The following AHNAK variants were observed in gnomAD, a reference collection of about 807,000 sequenced individuals.
AHNAK encodes the protein neuroblast differentiation-associated protein AHNAK.
A neutral mutation model predicts 37.8 loss-of-function variants in AHNAK; 23 were observed. That is an observed-to-expected ratio of 0.61 (90% CI 0.44 to 0.86). The LOEUF is 0.86. Among genes scored for constraint, AHNAK ranks in the 40% least tolerant of loss-of-function variants. The pLI is 0.00. For synonymous variants in AHNAK, 2,481 were observed against 2,636.3 expected, an observed-to-expected ratio of 0.94 and a Z score of 1.80; for missense variants, 7,411 against 7,319.4, an observed-to-expected ratio of 1.01 and a Z score of -0.46.
chr11:62,493,357 C>T (rs1463003609), intron 4 of AHNAK, among the ~76,000 whole-genome samples: 6 of 139,180 alleles, frequency 4.3e-5, no homozygotes, highest in Non-Finnish European at 7.7e-5. Flanking sequence ...TTTTGACAGA[C>T]TCTCGCTCTG....
At position 62,516,747 on chromosome 11, in the gene AHNAK, CTCTT is replaced by C. The variant is rs1283452479; in HGVS notation, c.17666_17669del (p.Lys5889SerfsTer14). 4 of 1,608,672 alleles carry C rather than the reference CTCTT, an allele frequency of 2.5e-6. No homozygotes were observed. In the Admixed American group the frequency reaches 5.1e-5, roughly 20 times the overall value. ...TGTACACACATACAAAGGCCTGCTA[CTCTT>C]TCTTTGTGGAAACTGACAGCTCCAC... On this transcript the variant is annotated frameshift_variant, in exon 5 of 5. Coordinates refer to ENST00000378024, the MANE Select transcript of AHNAK (RefSeq NM_001620.3). LOFTEE classifies it high-confidence loss of function.
Position 62,519,214 on chromosome 11 carries a change from T to C in AHNAK, c.15203A>G (p.Asp5068Gly). Reference sequence around the variant, plus strand: ...TTTCACGTCGACTTTGAGTGCAGCATCCGGCCCTGCGATGTTGACATCTAC... The same window carrying C: ...TTTCACGTCGACTTTGAGTGCAGCACCCGGCCCTGCGATGTTGACATCTAC... ...PDVDVNIAGP[D>G]AALKVDVKSP... The change falls in exon 5 of 5, where the codon GAT becomes GGT. Residue 5068 changes from aspartate to glycine, a missense_variant. Asp to Gly is a moderately conservative substitution (Grantham distance 94). Transcript: ENST00000378024. 1 of 1,613,640 alleles carries C rather than the reference T, an allele frequency of 6.2e-7. No homozygotes were observed. The highest frequency in any genetic ancestry group is 1.1e-5 in the South Asian group (1 of 90,934).
intron 4 of AHNAK, among the ~76,000 whole-genome samples, chr11:62,509,245 A>C (rs1288603862): frequency 8.0e-6 from 1 of 125,478 alleles, no homozygotes; most frequent in African/African-American, 4.6e-5. Context: ...ATGCATGACA[A>C]AAAAAAAACT....
intron 4 of AHNAK, among the ~76,000 whole-genome samples, chr11:62,494,750 C>T (rs559057441): frequency 6.6e-6 from 1 of 151,998 alleles, no homozygotes; most frequent in Non-Finnish European, 1.5e-5. Context: ...GTGGCTCACG[C>T]CTATAATCCC....
intron 4 of AHNAK, among the ~76,000 whole-genome samples, chr11:62,495,191 G>A (rs1939585017): frequency 2.0e-5 from 3 of 151,856 alleles, no homozygotes; most frequent in Non-Finnish European, 4.4e-5. Context: ...AAAAAAGAAA[G>A]TGGCAGAGCT....
intron 4 of AHNAK, among the ~76,000 whole-genome samples, chr11:62,508,124 A>G (rs1939840962): frequency 6.6e-6 from 1 of 152,102 alleles, no homozygotes; most frequent in South Asian, 2.1e-4. Flanking sequence ...AACTTTAATA[A>G]CTACTTTCGA....
At chr11:62,477,364 G>A (rs1464120030) in intron 5 of AHNAK, among the ~76,000 whole-genome samples, 3 of 152,174 alleles carry the variant, frequency 2.0e-5, no homozygotes, top group Non-Finnish European at 4.4e-5. Context: ...CTTGAGGGTG[G>A]AGGGTGGGAG....
intron 5 of AHNAK, among the ~76,000 whole-genome samples, chr11:62,450,025 G>A (rs944831770): frequency 5.9e-5 from 9 of 152,130 alleles, no homozygotes; most frequent in Non-Finnish European, 1.3e-4. Flanking sequence ...TAGGTGGATC[G>A]CTTGGGCCCA....
In AHNAK at chr11:62,518,185, A is replaced by G; in HGVS notation, c.16232T>C (p.Phe5411Ser). 6.2e-7 allele frequency: 1 copy of G among 1,614,064 alleles called. No homozygotes were observed. Among genetic ancestry groups the G allele is most frequent in the East Asian group, 2.2e-5 (1 of 44,866 alleles). The change falls in exon 5 of 5, where the codon TTT (phenylalanine) becomes TCT (serine). Residue 5411 changes from phenylalanine to serine, a missense_variant. By Grantham distance (155) the Phe-to-Ser change is radical (BLOSUM62 -2). Transcript: ENST00000378024. Reference sequence around the variant, plus strand: ...GTCGGACCCCGGAGTAGAGATGCCAAATTGGGGCAGCTTCATTTTGGGAAG... The same window carrying G: ...GTCGGACCCCGGAGTAGAGATGCCAGATTGGGGCAGCTTCATTTTGGGAAG... ...IKLPKMKLPQFGISTPGSDLH... is the reference protein window; with the variant it reads ...IKLPKMKLPQSGISTPGSDLH...
Position 62,525,889 on chromosome 11 carries a change from T to G in AHNAK, c.8528A>C (p.Asn2843Thr). 6.2e-7 allele frequency: 1 copy of G among 1,614,226 alleles called. No homozygotes were observed. Reference protein sequence around the residue: ...PKISMPDIDLNLTGPKIKGDV... With the variant: ...PKISMPDIDLTLTGPKIKGDV... Reference sequence around the variant, plus strand: ...TCCTTTTATTTTTGGACCTGTGAGATTCAGGTCAATATCTGGCATGGATAT... The same window carrying G: ...TCCTTTTATTTTTGGACCTGTGAGAGTCAGGTCAATATCTGGCATGGATAT... The change falls in exon 5 of 5, where the codon AAT becomes ACT. Residue 2843 changes from asparagine (N) to threonine (T), a missense_variant. Coordinates refer to ENST00000378024, the MANE Select transcript of AHNAK (RefSeq NM_001620.3).
exon 6 of AHNAK, chr11:62,433,713 A>G (rs1487579792): frequency 1.2e-6 from 1 of 801,662 alleles, no homozygotes; most frequent in African/African-American, 1.7e-5. Flanking sequence ...GCCTGGCTGG[A>G]GCTATAAACA....
chr11:62,443,548 A>G (rs2134785674), intron 5 of AHNAK, among the ~76,000 whole-genome samples: 1 of 152,280 alleles, frequency 6.6e-6, no homozygotes, highest in South Asian at 2.1e-4. Context: ...CTAGGATTAC[A>G]GGCTTGAGCC....
chr11:62,526,550 T>A lies in AHNAK; in HGVS notation c.7867A>T (p.Asn2623Tyr), dbSNP rs753564572. The A allele has an allele frequency of 1.2e-6, 2 of 1,603,722 alleles. No homozygotes were observed. The highest frequency in any genetic ancestry group is 1.7e-6 in the Non-Finnish European group (2 of 1,176,738). Residue 2623 changes from asparagine (N) to tyrosine (Y), a missense_variant, in exon 5 of 5, where the codon AAT becomes TAT. Physicochemically the swap from Asn to Tyr is moderately radical, Grantham distance 143. Coordinates refer to ENST00000378024, the MANE Select transcript of AHNAK (RefSeq NM_001620.3). ...CCTTGAACACCCACATCTGGGGCATTAATATCCACTTTGGGCCCCTTGATG... is the reference window on the plus strand; with the variant it reads ...CCTTGAACACCCACATCTGGGGCATAAATATCCACTTTGGGCCCCTTGATG... ...VDIKGPKVDI[N>Y]APDVGVQGPD...
At chr11:62,467,609 C>T (rs903744649) in intron 5 of AHNAK, among the ~76,000 whole-genome samples, 64 of 152,180 alleles carry the variant, frequency 4.2e-4, no homozygotes, top group African/African-American at 1.4e-3. Flanking sequence ...TGCTTGAACC[C>T]GGGAGGCGGA....
rs1188035901 is a variant in AHNAK, at chr11:62,480,416, C to G, written c.442+11316G>C. On this transcript the variant is annotated intron_variant, in intron 5 of 5. Transcript: ENST00000257247. ...GTGACTCACGCCTGTAATCCCAGCA[C>G]TTTGGGAGGCCGAGGTGGGTGGATC... Among the ~76,000 whole-genome samples, 10 of 152,126 alleles carry G rather than the reference C, an allele frequency of 6.6e-5. 1 individual carries two copies. The East Asian group carries it at 1.7e-3, about 26-fold the overall frequency.
At position 62,533,781 on chromosome 11, in the gene AHNAK, C is replaced by G. The variant is rs141489091; in HGVS notation, c.636G>C (p.Ser212=). Residue 212 remains serine (S), a synonymous_variant, in exon 5 of 5, where the codon TCG becomes TCC. Transcript: ENST00000378024. ...GKTVIRLPSG[S]GAASPTGSAV... is the part of the protein sequence containing the mutation. ...CAGAGCCTGTCGGAGAGGCTGCCCC[C>G]GAGCCCGAGGGCAGTCTGATCACGG... 4 of 1,614,172 alleles carry G rather than the reference C, an allele frequency of 2.5e-6. No individual in the cohort carries two copies. The Admixed American group carries it at 5.0e-5, about 20-fold the overall frequency.
chr11:62,526,877 T>C lies in AHNAK; in HGVS notation c.7540A>G (p.Lys2514Glu), dbSNP rs1404243247. 6.2e-7 allele frequency: 1 copy of C among 1,614,168 alleles called. No homozygotes were observed. Among genetic ancestry groups the C allele is most frequent in the Admixed American group, 1.7e-5 (1 of 60,030 alleles). The change falls in exon 5 of 5, where the codon AAA becomes GAA. Residue 2514 changes from lysine to glutamate, a missense_variant. Physicochemically the swap from Lys to Glu is moderately conservative, Grantham distance 56 (BLOSUM62 1). Transcript: ENST00000378024. ...PDWHLKMPKM[K>E]MPKFSMPGFK... ...CCAGGCATGCTGAACTTGGGCATTT[T>C]CATCTTGGGCATCTTCAGGTGCCAG...
chr11:62,511,723 A>ACTT (rs1939917328), downstream of AHNAK, among the ~76,000 whole-genome samples: 1 of 152,096 alleles, frequency 6.6e-6, no homozygotes, highest in African/African-American at 2.4e-5. Flanking sequence ...AAAAATTCAA[A>ACTT]CTTATCAAAC....
At chr11:62,514,019 G>A (rs910988730), downstream of AHNAK, among the ~76,000 whole-genome samples, 9 of 152,286 alleles carry the variant, frequency 5.9e-5, no homozygotes, top group African/African-American at 1.2e-4. Flanking sequence ...ATCTAGCCAC[G>A]TGGGACTCAG....
Sources: gnomAD v4.1 joint callset for allele counts (sites outside exome capture counted in the v4.1 genomes callset) on GRCh38, gnomAD v4.1.1 for gene constraint, MANE v1.5 for transcripts, NCBI Gene and HGNC (gene_info 2026-07-23, HGNC 2026-07-21) for gene names.